The following CHST11 variants were observed in gnomAD, a reference collection of about 807,000 sequenced individuals.
The protein encoded by CHST11 is C4S-1.
CHST11 carries 9 observed loss-of-function variants against 30.4 expected under a neutral mutation model. That is an observed-to-expected ratio of 0.30 (90% CI 0.18 to 0.52). The LOEUF (loss-of-function observed/expected upper bound fraction) is 0.52, where lower values mean the gene tolerates loss of function less well. Ranked by LOEUF, CHST11 falls within the 20% of genes least tolerant of loss-of-function variation. The pLI, the probability that CHST11 is intolerant of heterozygous loss-of-function variation, is 0.97. For synonymous variants in CHST11, 152 were observed against 187.8 expected, an observed-to-expected ratio of 0.81 and a Z score of 1.56; for missense variants, 348 against 460.6, an observed-to-expected ratio of 0.76 and a Z score of 2.24.
chr12:104,541,124 T>A (rs200368363), intron 1 of CHST11, among the ~76,000 whole-genome samples: 12,496 of 128,620 alleles, frequency 0.097, 584 homozygotes, highest in Middle Eastern at 0.14. Flanking sequence ...CCTCTCTCTC[T>A]CTCTCTCACA....
At chr12:104,755,091 C>A (rs868474169) in intron 2 of CHST11, among the ~76,000 whole-genome samples, 2 of 152,196 alleles carry the variant, frequency 1.3e-5, no homozygotes, top group South Asian at 2.1e-4. Flanking sequence ...AGTTCCCCAG[C>A]AAACTCATCA....
intron 2 of CHST11, among the ~76,000 whole-genome samples, chr12:104,653,103 A>G (rs2039509380): frequency 6.6e-6 from 1 of 152,162 alleles, no homozygotes; most frequent in Non-Finnish European, 1.5e-5. Flanking sequence ...GAGCTGCTTC[A>G]TCTTGCAACA....
chr12:104,505,527 A>G (rs926202059), intron 1 of CHST11, among the ~76,000 whole-genome samples: 1 of 152,212 alleles, frequency 6.6e-6, no homozygotes, highest in Admixed American at 6.5e-5. Context: ...TGGGGACCAC[A>G]CTTTGCATAG....
intron 2 of CHST11, among the ~76,000 whole-genome samples, chr12:104,625,364 G>C (rs1313682997): frequency 6.6e-6 from 1 of 152,134 alleles, no homozygotes; most frequent in East Asian, 1.9e-4. Context: ...GAGTACAATG[G>C]CTTGGTGTCA....
At chr12:104,465,756 A>G (rs980213053) in intron 1 of CHST11, among the ~76,000 whole-genome samples, 18 of 152,252 alleles carry the variant, frequency 1.2e-4, no homozygotes, top group African/African-American at 4.3e-4. Context: ...TGTCATGTAC[A>G]AACAGCATCT....
chr12:104,531,139 A>C (rs995594206), intron 1 of CHST11, among the ~76,000 whole-genome samples: 1 of 152,158 alleles, frequency 6.6e-6, no homozygotes, highest in Non-Finnish European at 1.5e-5. Flanking sequence ...TAGGAGAAGA[A>C]TCGCTCAAAG....
At chr12:104,619,186 C>T (rs2039136925) in intron 2 of CHST11, among the ~76,000 whole-genome samples, 2 of 152,210 alleles carry the variant, frequency 1.3e-5, no homozygotes, top group South Asian at 4.1e-4. Context: ...GTGTGCCCAC[C>T]TGCGCCTGTG....
At chr12:104,487,596 A>G (rs1016477411) in intron 1 of CHST11, among the ~76,000 whole-genome samples, 3 of 152,192 alleles carry the variant, frequency 2.0e-5, no homozygotes, top group African/African-American at 7.2e-5. Flanking sequence ...AGATGTTTTC[A>G]TTGTCCTTAT....
At chr12:104,513,125 G>GGGT (rs1555229093) in intron 1 of CHST11, among the ~76,000 whole-genome samples, 1 of 63,570 alleles carries the variant, frequency 1.6e-5, no homozygotes, top group Admixed American at 1.8e-4. Flanking sequence ...GTCATGACTG[G>GGGT]GGGGGGGGGG....
chr12:104,741,525 G>A (rs1319152468), intron 2 of CHST11, among the ~76,000 whole-genome samples: 1 of 152,206 alleles, frequency 6.6e-6, no homozygotes, highest in Non-Finnish European at 1.5e-5. Flanking sequence ...CAGTTACTGT[G>A]AAATTCCATG....
chr12:104,656,508 C>T (rs914592254), intron 2 of CHST11, among the ~76,000 whole-genome samples: 9 of 152,186 alleles, frequency 5.9e-5, no homozygotes, highest in Non-Finnish European at 1.2e-4. Context: ...CTTATCATCT[C>T]GTGTCATCTC....
At chr12:104,569,685 G>A (rs1415675452) in intron 1 of CHST11, among the ~76,000 whole-genome samples, 1 of 152,142 alleles carries the variant, frequency 6.6e-6, no homozygotes, top group South Asian at 2.1e-4. Flanking sequence ...TGCCTCCAGG[G>A]TTTTCAGGCT....
At chr12:104,534,173 T>C (rs2038213755) in intron 1 of CHST11, among the ~76,000 whole-genome samples, 1 of 152,236 alleles carries the variant, frequency 6.6e-6, no homozygotes, top group Non-Finnish European at 1.5e-5. Flanking sequence ...TAAATAAATG[T>C]ATTTAGCAAA....
intron 1 of CHST11, among the ~76,000 whole-genome samples, chr12:104,555,189 G>A (rs1397328394): frequency 2.6e-5 from 4 of 152,158 alleles, no homozygotes; most frequent in Non-Finnish European, 5.9e-5. Context: ...AGTCGAGGTT[G>A]TGCACACCTT....
intron 1 of CHST11, among the ~76,000 whole-genome samples, chr12:104,484,164 T>C (rs1024332145): frequency 1.3e-4 from 20 of 151,864 alleles, no homozygotes; most frequent in Non-Finnish European, 2.6e-4. Flanking sequence ...GTGGCTGGAG[T>C]GGGCAACAGA....
chr12:104,757,417 A>T lies in CHST11; in HGVS notation c.673A>T (p.Thr225Ser). 1 of 1,614,030 alleles carries T rather than the reference A, an allele frequency of 6.2e-7. No homozygotes were observed. Among genetic ancestry groups the T allele is most frequent in the Non-Finnish European group, 8.5e-7 (1 of 1,180,006 alleles). Reference protein sequence around the residue: ...KIIKRQRKNATQEALRKGDDV... With the variant: ...KIIKRQRKNASQEALRKGDDV... ...CATCAAACGCCAGCGGAAGAACGCC[A>T]CCCAGGAGGCCCTGCGCAAAGGGGA... The change falls in exon 3 of 3, where the codon ACC (threonine) becomes TCC (serine). Residue 225 changes from threonine to serine, a missense_variant. Thr to Ser is a moderately conservative substitution (Grantham distance 58). This residue lies in a region of CHST11 where 210 missense variants were observed against 287.2 expected (regional missense o/e 0.73). Coordinates refer to ENST00000303694, the MANE Select transcript of CHST11 (RefSeq NM_018413.6). This position sits in a 1 kb window ranked among gnomAD's most constrained non-coding sequence, Gnocchi z 6.5.
rs2040488513 is a variant in CHST11, at chr12:104,757,441, G to A, written c.697G>A (p.Asp233Asn). ...NATQEALRKGDDVKFEEFVAY... is the reference protein window; with the variant it reads ...NATQEALRKGNDVKFEEFVAY... ...CACCCAGGAGGCCCTGCGCAAAGGG[G>A]ACGATGTCAAATTCGAGGAGTTTGT... Residue 233 changes from aspartate (D) to asparagine (N), a missense_variant, in exon 3 of 3, where the codon GAC becomes AAC. Around this residue, in one of 3 missense-constraint regions of CHST11, gnomAD observed 210 missense variants for 287.2 expected, o/e 0.73. Transcript: ENST00000303694. This position sits in a 1 kb window ranked among gnomAD's most constrained non-coding sequence, Gnocchi z 6.5. 1.9e-6 allele frequency: 3 copies of A among 1,614,032 alleles called. No individual in the cohort carries two copies. Among genetic ancestry groups the A allele is most frequent in the Admixed American group, 1.7e-5 (1 of 59,996 alleles).
At chr12:104,498,771 A>G (rs1412838583) in intron 1 of CHST11, among the ~76,000 whole-genome samples, 1 of 152,226 alleles carries the variant, frequency 6.6e-6, no homozygotes, top group Non-Finnish European at 1.5e-5. Context: ...GACTTGGAAC[A>G]CTTGAATTAG....
At chr12:104,486,312 T>C (rs2037678840) in intron 1 of CHST11, among the ~76,000 whole-genome samples, 1 of 152,170 alleles carries the variant, frequency 6.6e-6, no homozygotes, top group African/African-American at 2.4e-5. Flanking sequence ...TGATTTTTTT[T>C]TTTTTTTAAT....
Sources: gnomAD v4.1 joint callset for allele counts (sites outside exome capture counted in the v4.1 genomes callset) on GRCh38, gnomAD v4.1.1 for gene constraint, gnomAD v4.1.1 regional missense constraint, Gnocchi (gnomAD v3.1) non-coding constraint, MANE v1.5 for transcripts, NCBI Gene and HGNC (gene_info 2026-07-23, HGNC 2026-07-21) for gene names.